The following RNF150 variants were observed in gnomAD, a reference collection of about 807,000 sequenced individuals.
RNF150 encodes ring finger protein 150.
Under a neutral mutation model 39.3 loss-of-function variants are expected in RNF150, and 24 were observed. The observed-to-expected ratio is 0.61, with a 90% CI of 0.44 to 0.86. The LOEUF (loss-of-function observed/expected upper bound fraction) is 0.86. Ranked by LOEUF, RNF150 falls within the 40% of genes least tolerant of loss-of-function variation. The probability of loss-of-function intolerance (pLI) is 0.00; values close to 1 mark genes in which losing one functional copy is unlikely to be tolerated. For synonymous variants in RNF150, 255 were observed against 227.3 expected, an observed-to-expected ratio of 1.12 and a Z score of -1.10; for missense variants, 502 against 587.8, an observed-to-expected ratio of 0.85 and a Z score of 1.51.
intron 1 of RNF150, among the ~76,000 whole-genome samples, chr4:140,988,393 A>T (rs1734080169): frequency 6.6e-6 from 1 of 152,182 alleles, no homozygotes; most frequent in Non-Finnish European, 1.5e-5. Context: ...AATGTGGTAC[A>T]TCTACACTAT....
intron 1 of RNF150, among the ~76,000 whole-genome samples, chr4:141,044,479 A>C (rs185552219): frequency 6.6e-6 from 1 of 152,332 alleles, no homozygotes; most frequent in East Asian, 1.9e-4. Flanking sequence ...AATATACAAA[A>C]AATGAATACA....
intron 4 of RNF150, among the ~76,000 whole-genome samples, chr4:140,930,626 G>A (rs543772419): frequency 1.1e-4 from 17 of 152,244 alleles, no homozygotes; most frequent in Middle Eastern, 3.4e-3. Context: ...TGTCACATTC[G>A]GGACTTTTCT....
At chr4:141,016,632 G>A (rs906898185) in intron 1 of RNF150, among the ~76,000 whole-genome samples, 1 of 152,174 alleles carries the variant, frequency 6.6e-6, no homozygotes, top group Non-Finnish European at 1.5e-5. Flanking sequence ...AACCTGCCCT[G>A]TATCAAAAAC....
At chr4:140,918,144 G>C (rs1337170191) in intron 5 of RNF150, among the ~76,000 whole-genome samples, 1 of 152,172 alleles carries the variant, frequency 6.6e-6, no homozygotes, top group East Asian at 1.9e-4. Flanking sequence ...AGAAAAGCAA[G>C]AGCAAACACA....
At chr4:141,061,962 A>G (rs1188133812) in intron 1 of RNF150, among the ~76,000 whole-genome samples, 1 of 145,928 alleles carries the variant, frequency 6.9e-6, no homozygotes, top group Non-Finnish European at 1.5e-5. Context: ...ATTTCAGGAA[A>G]GAGAATAAAT....
intron 6 of RNF150, among the ~76,000 whole-genome samples, chr4:140,903,222 G>A (rs904109337): frequency 3.9e-5 from 6 of 152,176 alleles, no homozygotes; most frequent in African/African-American, 1.4e-4. Context: ...CTGGCTAGTG[G>A]TGTTTCCGTG....
intron 1 of RNF150, among the ~76,000 whole-genome samples, chr4:141,039,231 C>A (rs149195077): frequency 5.3e-4 from 80 of 152,112 alleles, no homozygotes; most frequent in African/African-American, 1.8e-3. Flanking sequence ...AAGTAGAGAA[C>A]GCAACATTCT....
At chr4:141,117,079 G>A (rs1739572622) in intron 1 of RNF150, among the ~76,000 whole-genome samples, 1 of 152,016 alleles carries the variant, frequency 6.6e-6, no homozygotes, top group African/African-American at 2.4e-5. Flanking sequence ...AAACCACCAT[G>A]GCACGTGTAT....
In RNF150 at chr4:141,132,785, C is replaced by T. The variant is rs745957111; in HGVS notation, c.24G>A (p.Ala8=). 6.2e-7 allele frequency: 1 copy of T among 1,608,870 alleles called. No homozygotes were observed. The highest frequency in any genetic ancestry group is 8.5e-7 in the Non-Finnish European group (1 of 1,177,632). MAMSLIQ[A]CCSLALSTWL... ...ATGTTGAGAGAGCCAGACTGCAGCA[C>T]GCTTGGATGAGAGACATTGCCATCT... The change falls in exon 1 of 7, where the codon GCG becomes GCA. Residue 8 remains alanine, a synonymous_variant. Transcript: ENST00000515673. This position sits in a 1 kb window ranked among gnomAD's most constrained non-coding sequence, Gnocchi z 4.9.
chr4:140,913,588 G>C (rs1730701443), intron 5 of RNF150, among the ~76,000 whole-genome samples: 2 of 152,108 alleles, frequency 1.3e-5, no homozygotes. Flanking sequence ...TCTAAGGCAT[G>C]TTCCCTCCCA....
intron 2 of RNF150, among the ~76,000 whole-genome samples, chr4:140,951,551 GTT>G (rs35787999): frequency 1.8e-3 from 251 of 139,552 alleles, no homozygotes; most frequent in African/African-American, 5.4e-3. Context: ...TGTTGTTGTT[GTT>G]TTTTTTTTTT....
intron 1 of RNF150, among the ~76,000 whole-genome samples, chr4:141,024,095 C>G (rs1735601541): frequency 6.6e-6 from 1 of 152,054 alleles, no homozygotes; most frequent in African/African-American, 2.4e-5. Context: ...CCTGAGCTGC[C>G]GATGGGTTGG....
intron 6 of RNF150, among the ~76,000 whole-genome samples, chr4:140,899,261 G>A (rs1389703192): frequency 6.6e-6 from 1 of 152,186 alleles, no homozygotes; most frequent in Non-Finnish European, 1.5e-5. Context: ...GTCACCATAA[G>A]GAAATGTGGC....
chr4:140,985,976 A>G (rs1579028491), intron 1 of RNF150, among the ~76,000 whole-genome samples: 1 of 152,210 alleles, frequency 6.6e-6, no homozygotes, highest in South Asian at 2.1e-4. Context: ...CAAGGAAATA[A>G]CACCCTCTCC....
chr4:141,044,094 T>C (rs1736471622), intron 1 of RNF150, among the ~76,000 whole-genome samples: 1 of 152,180 alleles, frequency 6.6e-6, no homozygotes, highest in Non-Finnish European at 1.5e-5. Context: ...TAAACACACA[T>C]AGGCAAAGCA....
intron 1 of RNF150, among the ~76,000 whole-genome samples, chr4:141,177,695 G>A (rs1727836834): frequency 6.6e-6 from 1 of 151,950 alleles, no homozygotes; most frequent in East Asian, 1.9e-4. Flanking sequence ...TCTTTTCTCC[G>A]ACATTATAGA....
At chr4:141,053,665 C>T (rs1736862062) in intron 1 of RNF150, 2 of 1,377,628 alleles carry the variant, frequency 1.5e-6, no homozygotes, top group Non-Finnish European at 1.9e-6. Flanking sequence ...CTAAAGCATA[C>T]CTGAGGAAAG....
intron 1 of RNF150, among the ~76,000 whole-genome samples, chr4:141,098,192 T>G (rs1264405999): frequency 1.3e-5 from 2 of 152,216 alleles, no homozygotes; most frequent in African/African-American, 4.8e-5. Context: ...TTACTTTGGG[T>G]TCCTTCACAG....
intron 6 of RNF150, among the ~76,000 whole-genome samples, chr4:140,897,063 TG>T (rs1729988317): frequency 1.3e-5 from 2 of 152,172 alleles, no homozygotes; most frequent in African/African-American, 4.8e-5. Context: ...CTTTATTGCA[TG>T]TATCAACACA....
Sources: gnomAD v4.1 joint callset for allele counts (sites outside exome capture counted in the v4.1 genomes callset) on GRCh38, gnomAD v4.1.1 for gene constraint, Gnocchi (gnomAD v3.1) non-coding constraint, MANE v1.5 for transcripts, NCBI Gene and HGNC (gene_info 2026-07-23, HGNC 2026-07-21) for gene names.